The following HADH variants were observed in gnomAD, a reference collection of about 807,000 sequenced individuals.
HADH encodes hydroxyacyl-coenzyme A dehydrogenase, mitochondrial.
HADH carries 24 observed loss-of-function variants against 32.2 expected under a neutral mutation model. That is an observed-to-expected ratio of 0.75 (90% CI 0.54 to 1.05). The LOEUF (loss-of-function observed/expected upper bound fraction) is 1.05. HADH is among the 50% of genes least tolerant of loss of function. The pLI, the probability that HADH is intolerant of heterozygous loss-of-function variation, is 0.00. For synonymous variants in HADH, 139 were observed against 152.5 expected, an observed-to-expected ratio of 0.91 and a Z score of 0.65; for missense variants, 350 against 397.1, an observed-to-expected ratio of 0.88 and a Z score of 1.01.
At chr4:108,012,998 T>C (rs1234064139) in intron 2 of HADH, among the ~76,000 whole-genome samples, 1 of 152,226 alleles carries the variant, frequency 6.6e-6, no homozygotes, top group Admixed American at 6.5e-5. Context: ...AGTTGCGCGA[T>C]GTCGGCTCAC....
chr4:107,994,209 A>T (rs1734892572), intron 1 of HADH, among the ~76,000 whole-genome samples: 1 of 151,592 alleles, frequency 6.6e-6, no homozygotes, highest in South Asian at 2.1e-4. Flanking sequence ...GGGGTTGGGG[A>T]TAGGTTCTTC....
chr4:108,031,566 T>A (rs1736263383), intron 6 of HADH: 2 of 152,312 alleles, frequency 1.3e-5, no homozygotes, highest in African/African-American at 4.8e-5. Context: ...TCTCTCTACC[T>A]AGAATGCCCT....
rs548659819 is a variant in HADH at position 108,016,398 on chromosome 4, G to A, written c.419+1810G>A. Among the ~76,000 whole-genome samples the A allele has an allele frequency of 3.3e-5, 5 of 152,280 alleles. No individual in the cohort carries two copies. The South Asian group carries it at 1.0e-3, about 32-fold the overall frequency. ...TGCCCCTGACAAAGAGAAGAGACTT[G>A]CCTTTCTGTCATCTGTCCATCACTG... On this transcript the variant is annotated intron_variant, in intron 3 of 7. Transcript: ENST00000309522.
intron 1 of HADH, among the ~76,000 whole-genome samples, chr4:107,995,355 A>G (rs1056390921): frequency 1.3e-5 from 2 of 152,178 alleles, no homozygotes; most frequent in Non-Finnish European, 2.9e-5. Context: ...ACTAATATAC[A>G]AGCTCCTAGA....
At chr4:108,001,952 C>G (rs987128845) in intron 1 of HADH, among the ~76,000 whole-genome samples, 1 of 152,184 alleles carries the variant, frequency 6.6e-6, no homozygotes, top group African/African-American at 2.4e-5. Flanking sequence ...AGAAGCTACT[C>G]TGATAGGAAT....
intron 1 of HADH, among the ~76,000 whole-genome samples, chr4:107,992,743 A>G (rs191133475): frequency 1.3e-5 from 2 of 152,338 alleles, no homozygotes; most frequent in African/African-American, 4.8e-5. Flanking sequence ...AAGCAGTTAC[A>G]TATATCAAGC....
At chr4:108,030,809 C>T (rs1736236379) in intron 6 of HADH, 1 of 152,222 alleles carries the variant, frequency 6.6e-6, no homozygotes, top group South Asian at 2.1e-4. Flanking sequence ...AAACATGATT[C>T]CACATCTAAC....
chr4:108,022,466 G>A (rs6815503), intron 4 of HADH, among the ~76,000 whole-genome samples: 37,666 of 151,842 alleles, frequency 0.25, 5,324 homozygotes, highest in South Asian at 0.38. Context: ...GGCAGGCCCC[G>A]CTTGCTGTAA....
intron 3 of HADH, 44 bp downstream of exon 3, chr4:108,014,632 TTA>T: frequency 6.6e-7 from 1 of 1,522,750 alleles, no homozygotes; most frequent in Non-Finnish European, 9.0e-7. Context: ...TTTTTTAACC[TTA>T]TTTTTGTTTT....
rs756127842 is a variant in HADH, at chr4:107,990,110, C to G, written c.132+46C>G. On this transcript the variant is annotated intron_variant, in intron 1 of 7. Transcript: ENST00000309522. ...CGTGCCCACGCGCTTGGCCGCCCAC[C>G]CTGAGGTGGAAGCTCTGGCGCGACC... 9 of 1,570,212 alleles carry G rather than the reference C, an allele frequency of 5.7e-6. No homozygotes were observed. In the African/African-American group the frequency reaches 1.2e-4, roughly 21 times the overall value.
intron 1 of HADH, among the ~76,000 whole-genome samples, chr4:107,994,617 A>G (rs1301542336): frequency 2.6e-5 from 4 of 152,246 alleles, no homozygotes; most frequent in Non-Finnish European, 4.4e-5. Flanking sequence ...ACAGGAGACC[A>G]GCAGTTACCT....
chr4:108,032,836 G>A (rs974311652), intron 6 of HADH: 8 of 361,434 alleles, frequency 2.2e-5, no homozygotes, highest in Admixed American at 2.0e-4. Flanking sequence ...ATAAATATTA[G>A]CCTTGTGTGG....
Position 108,034,637 on chromosome 4 carries a change from C to G in HADH, c.*280C>G, listed in dbSNP as rs1464179773. 2.6e-6 allele frequency: 1 copy of G among 381,832 alleles called. No individual in the cohort carries two copies. Among genetic ancestry groups the G allele is most frequent in the African/African-American group, 2.1e-5 (1 of 47,606 alleles). The allele number at this position is 381,832 out of a possible 1,614,324, so 23.7% of individuals were successfully genotyped here. ...CTTGGAGCAAACATGTTTTTTGAAC[C>G]TTGTCATTTTTGTGAAGAATTGCCT... On this transcript the variant is annotated 3_prime_UTR_variant, in exon 8 of 8. Coordinates refer to ENST00000309522, the MANE Select transcript of HADH (RefSeq NM_005327.7).
At chr4:108,004,846 G>A in intron 1 of HADH, 1 of 1,535,840 alleles carries the variant, frequency 6.5e-7, no homozygotes, top group Non-Finnish European at 8.7e-7. Flanking sequence ...ACATGACCCT[G>A]CGGAGATGTT....
intron 4 of HADH, 135 bp from the exon 5 acceptor site, chr4:108,023,339 G>T: frequency 1.5e-6 from 1 of 667,830 alleles, no homozygotes; most frequent in Admixed American, 2.4e-5. Context: ...TCTGGCTTGA[G>T]ATTCCTACTT....
intron 6 of HADH, chr4:108,032,095 G>T: frequency 2.5e-6 from 1 of 400,812 alleles, no homozygotes; most frequent in Non-Finnish European, 4.4e-6. Flanking sequence ...TGTTTAAGTA[G>T]TTTCTCTCTG....
intron 7 of HADH, 70 bp from the exon 8 acceptor site, chr4:108,034,169 C>G: frequency 9.3e-7 from 1 of 1,077,310 alleles, no homozygotes; most frequent in Non-Finnish European, 1.4e-6. Context: ...CCAGACTTGT[C>G]CTTGGAAATG....
chr4:108,014,677 A>G lies in HADH; in HGVS notation c.419+89A>G. The stretch of plus-strand genomic sequence containing the variant: ...TATTTTTTGTTTTTATAGATTTGTG[A>G]GTACAAGTGCAGTTTTGTTCCATGC... On this transcript the variant is annotated intron_variant, in intron 3 of 7. Transcript: ENST00000309522. 3.3e-6 allele frequency: 4 copies of G among 1,203,280 alleles called. No individual in the cohort carries two copies. The East Asian group carries it at 7.5e-5, about 22-fold the overall frequency. 74.5% of individuals were successfully genotyped at this position (1,203,280 alleles called of 1,614,324 possible).
chr4:107,999,369 C>A (rs1195897426), intron 1 of HADH, among the ~76,000 whole-genome samples: 1 of 152,246 alleles, frequency 6.6e-6, no homozygotes, highest in Non-Finnish European at 1.5e-5. Flanking sequence ...CCTAGCGTCA[C>A]AACCACCAGT....
Sources: gnomAD v4.1 joint callset for allele counts (sites outside exome capture counted in the v4.1 genomes callset) on GRCh38, gnomAD v4.1.1 for gene constraint, MANE v1.5 for transcripts, NCBI Gene and HGNC (gene_info 2026-07-23, HGNC 2026-07-21) for gene names.